ATM: variants seen among roughly 807,000 people sequenced by gnomAD.
ATM encodes serine-protein kinase ATM.
A neutral mutation model predicts 387.0 loss-of-function variants in ATM; 308 were observed. The observed-to-expected ratio is 0.80, with a 90% CI of 0.73 to 0.87. The LOEUF (loss-of-function observed/expected upper bound fraction) is 0.87, where lower values mean the gene tolerates loss of function less well. Among genes scored for constraint, ATM ranks in the 40% least tolerant of loss-of-function variants. The pLI is 0.00. For synonymous variants in ATM, 1,156 were observed against 1,187.3 expected, an observed-to-expected ratio of 0.97 and a Z score of 0.54; for missense variants, 3,312 against 3,560.9, an observed-to-expected ratio of 0.93 and a Z score of 1.78.
rs935721083 is a variant in ATM, at chr11:108,366,804, G to A, written c.*1296G>A. On this transcript the variant is annotated 3_prime_UTR_variant, in exon 63 of 63. Transcript: ENST00000675843. ...TCACTGAGAGTATAAGCTTCCATGT[G>A]TCCCACCTTTATGGCAGGGGTGGAA... The A allele has an allele frequency of 2.6e-5, 6 of 230,110 alleles. No homozygotes were observed. The highest frequency in any genetic ancestry group is 1.3e-4 in the African/African-American group (6 of 45,154). 14.3% of individuals were successfully genotyped at this position (230,110 alleles called of 1,614,324 possible). A position where few individuals can be genotyped will look rare whatever the true frequency, so the allele number is the denominator to read the frequency against.
At chr11:108,287,479 C>A in intron 26 of ATM, 121 bp from the exon 27 acceptor site, 2 of 605,990 alleles carry the variant, frequency 3.3e-6, no homozygotes, top group Non-Finnish European at 5.6e-6. Flanking sequence ...GACTTTGAGT[C>A]ATCTATTTTC....
At chr11:108,347,603 G>A (rs2088611562) in intron 59 of ATM, among the ~76,000 whole-genome samples, 1 of 152,096 alleles carries the variant, frequency 6.6e-6, no homozygotes, top group Non-Finnish European at 1.5e-5. Flanking sequence ...AAGAAAGAAA[G>A]AAAGCATAAT....
Position 108,251,009 on chromosome 11 carries a change from G to C in ATM, c.1544G>C (p.Ser515Thr), listed in dbSNP as rs1555071168. 6.2e-7 allele frequency: 1 copy of C among 1,614,164 alleles called. No homozygotes were observed. The highest frequency in any genetic ancestry group is 8.5e-7 in the Non-Finnish European group (1 of 1,180,032). ...TTACTTGGAGCCATAATTCAGGGTA[G>C]TTTAGTTGAGGTTGACAGAGAATTC... is the stretch of plus-strand genomic sequence containing the variant. ...FGLLGAIIQG[S>T]LVEVDREFWK... The change falls in exon 10 of 63, where the codon AGT (serine) becomes ACT (threonine). Residue 515 changes from serine (S) to threonine (T), a missense_variant. Around this residue, in one of 4 missense-constraint regions of ATM, gnomAD observed 1,791 missense variants for 1,804.5 expected, o/e 0.99. Coordinates refer to ENST00000675843, the MANE Select transcript of ATM (RefSeq NM_000051.4).
chr11:108,277,890 A>G (rs1417607194), intron 22 of ATM, among the ~76,000 whole-genome samples: 1 of 152,192 alleles, frequency 6.6e-6, no homozygotes, highest in African/African-American at 2.4e-5. Context: ...ACATATTTTA[A>G]TATATTTACT....
chr11:108,225,504 C>G (rs181983229), intron 1 of ATM: 7 of 152,120 alleles, frequency 4.6e-5, no homozygotes, highest in Non-Finnish European at 8.8e-5. Context: ...GAGACAGTCT[C>G]GCTCTGTCGC....
At chr11:108,258,069 G>A (rs1023844670) in intron 15 of ATM, among the ~76,000 whole-genome samples, 3 of 151,822 alleles carry the variant, frequency 2.0e-5, no homozygotes, top group Non-Finnish European at 4.4e-5. Flanking sequence ...GCTGATTTTT[G>A]TATTTTTGTA....
rs1591160721 is a variant in ATM, at chr11:108,330,320, A to G, written c.7414A>G (p.Asn2472Asp). 6.2e-7 allele frequency: 1 copy of G among 1,614,206 alleles called. No homozygotes were observed. Among genetic ancestry groups the G allele is most frequent in the Non-Finnish European group, 8.5e-7 (1 of 1,180,016 alleles). Residue 2472 changes from asparagine to aspartate, a missense_variant, in exon 50 of 63, where the codon AAC becomes GAC. Asn to Asp is a conservative substitution (Grantham distance 23). Transcript: ENST00000675843. ...FLCKAVENYI[N>D]CLLSGEEHDM... ...ATGTAAAGCAGTTGAAAATTATATC[A>G]ACTGCTTATTAAGTGGAGAAGAACA...
rs2136169784 is a variant in ATM at position 108,317,502 on chromosome 11, G to C, written c.6328G>C (p.Asp2110His). The change falls in exon 43 of 63, where the codon GAC becomes CAC. Residue 2110 changes from aspartate (D) to histidine (H), a missense_variant. Coordinates refer to ENST00000675843, the MANE Select transcript of ATM (RefSeq NM_000051.4). The stretch of plus-strand genomic sequence containing the variant: ...AGCAGCATGGAGGAATATGCAGTGG[G>C]ACCATTGCACTTCCGTCAGGTAAGA... ...YQAAWRNMQW[D>H]HCTSVSKEVE... The C allele has an allele frequency of 1.2e-6, 2 of 1,609,816 alleles. No homozygotes were observed. Among genetic ancestry groups the C allele is most frequent in the Admixed American group, 3.3e-5 (2 of 59,770 alleles).
chr11:108,261,696 G>A (rs1356742978), intron 16 of ATM, among the ~76,000 whole-genome samples: 1 of 151,994 alleles, frequency 6.6e-6, no homozygotes, highest in Non-Finnish European at 1.5e-5. Flanking sequence ...AGCTACGGGA[G>A]GACATTCAAA....
chr11:108,346,079 A>C (rs991355063), intron 58 of ATM, among the ~76,000 whole-genome samples, 171 bp downstream of exon 58: 1 of 152,156 alleles, frequency 6.6e-6, no homozygotes, highest in African/African-American at 2.4e-5. Flanking sequence ...GTTCATCCTG[A>C]TTCTTAGTGT....
intron 22 of ATM, among the ~76,000 whole-genome samples, chr11:108,273,563 A>G (rs1235502368): frequency 6.6e-6 from 1 of 151,552 alleles, no homozygotes; most frequent in Non-Finnish European, 1.5e-5. Context: ...GCTGGTCTTG[A>G]ACTCCTGACC....
At position 108,365,443 on chromosome 11, in the gene ATM, A is replaced by G. The variant is rs1565609567; in HGVS notation, c.9106A>G (p.Ile3036Val). 3 of 1,614,212 alleles carry G rather than the reference A, an allele frequency of 1.9e-6. No homozygotes were observed. The highest frequency in any genetic ancestry group is 2.5e-6 in the Non-Finnish European group (3 of 1,180,036). Reference sequence around the variant, plus strand: ...TGTTGGTGGACAAGTGAATTTGCTCATACAGCAGGCCATAGACCCCAAAAA... The same window carrying G: ...TGTTGGTGGACAAGTGAATTTGCTCGTACAGCAGGCCATAGACCCCAAAAA... The part of the protein sequence containing the change: ...LSVGGQVNLL[I>V]QQAIDPKNLS... Residue 3036 changes from isoleucine to valine, a missense_variant, in exon 63 of 63, where the codon ATA (isoleucine) becomes GTA (valine). By Grantham distance (29) the Ile-to-Val change is conservative. This residue lies in a region of ATM where 95 missense variants were observed against 100.3 expected (regional missense o/e 0.95). Transcript: ENST00000675843.
At chr11:108,343,095 C>G in intron 56 of ATM, 127 bp from the exon 57 acceptor site, 1 of 1,228,622 alleles carries the variant, frequency 8.1e-7, no homozygotes. Context: ...GCTTTGTCTT[C>G]TATGGACAGA....
At chr11:108,246,402 CTACTT>C (rs1421722888) in intron 7 of ATM, among the ~76,000 whole-genome samples, 2 of 152,138 alleles carry the variant, frequency 1.3e-5, no homozygotes, top group Non-Finnish European at 2.9e-5. Context: ...TAGTTTCAGA[CTACTT>C]TAATAGATTT....
Position 108,268,452 on chromosome 11 carries a change from A to G in ATM, c.2681A>G (p.Asp894Gly), listed in dbSNP as rs113482790. 1 of 1,614,026 alleles carries G rather than the reference A, an allele frequency of 6.2e-7. No homozygotes were observed. Among genetic ancestry groups the G allele is most frequent in the South Asian group, 1.1e-5 (1 of 91,082 alleles). Residue 894 changes from aspartate (D) to glycine (G), a missense_variant, in exon 18 of 63, where the codon GAT becomes GGT. By Grantham distance (94) the Asp-to-Gly change is moderately conservative (BLOSUM62 -1). Coordinates refer to ENST00000675843, the MANE Select transcript of ATM (RefSeq NM_000051.4). ...PLAEEYLSKQDLLFLDMLKFL... is the reference protein window; with the variant it reads ...PLAEEYLSKQGLLFLDMLKFL... Reference sequence around the variant, plus strand: ...GCTGAAGAATATCTGTCAAAGCAAGATCTACTTTTCTTAGACATGCTCAAG... The same window carrying G: ...GCTGAAGAATATCTGTCAAAGCAAGGTCTACTTTTCTTAGACATGCTCAAG...
chr11:108,332,290 G>A (rs2086346163), intron 52 of ATM, among the ~76,000 whole-genome samples: 1 of 151,994 alleles, frequency 6.6e-6, no homozygotes, highest in African/African-American at 2.4e-5. Flanking sequence ...AAAACAGCTG[G>A]GCATGGTGGT....
At chr11:108,334,533 TTGTC>T (rs1374059628) in intron 54 of ATM, among the ~76,000 whole-genome samples, 1 of 151,952 alleles carries the variant, frequency 6.6e-6, no homozygotes, top group African/African-American at 2.4e-5. Flanking sequence ...CTTAAATACA[TTGTC>T]TTTCTTTTCA....
intron 61 of ATM, among the ~76,000 whole-genome samples, chr11:108,364,688 G>C (rs1048847545): frequency 6.6e-6 from 1 of 152,186 alleles, no homozygotes; most frequent in Non-Finnish European, 1.5e-5. Flanking sequence ...GTGCTCTCCA[G>C]TTCCCACATC....
Position 108,335,922 on chromosome 11 carries a change from G to T in ATM, c.8229G>T (p.Thr2743=). The T allele has an allele frequency of 6.2e-7, 1 of 1,613,768 alleles. No homozygotes were observed. Among genetic ancestry groups the T allele is most frequent in the Non-Finnish European group, 8.5e-7 (1 of 1,179,798 alleles). Residue 2743 remains threonine, a synonymous_variant, in exon 56 of 63, where the codon ACG becomes ACT. Transcript: ENST00000675843. ...GTAATACATTACTGCAGAGAAACAC[G>T]GAAACTAGGAAGAGGAAATTAACTA... ...QMCNTLLQRN[T]ETRKRKLTIC...
Sources: allele counts gnomAD v4.1 joint callset (sites outside exome capture counted in the v4.1 genomes callset), GRCh38; gene constraint gnomAD v4.1.1; regional missense constraint gnomAD v4.1.1; transcripts MANE v1.5; gene names NCBI Gene and HGNC (gene_info 2026-07-23, HGNC 2026-07-21).